Variants in CD99 observed in about 807,000 individuals in gnomAD.
The protein encoded by CD99 is CD99 molecule (Xg blood group), also known as CD99 antigen.
Under a neutral mutation model 28.4 loss-of-function variants are expected in CD99, and 19 were observed. That is an observed-to-expected ratio of 0.67 (90% CI 0.47 to 0.98). The LOEUF is 0.98. Among genes scored for constraint, CD99 ranks in the 50% least tolerant of loss-of-function variants. CD99 has a pLI of 0.00. For synonymous variants in CD99, 103 were observed against 92.1 expected (o/e 1.12, Z -0.67); for missense variants, 283 against 248.8 (o/e 1.14, Z -0.92).
chrX:2,695,103 T>C (rs1332283017), intron 1 of CD99, among the ~76,000 whole-genome samples: 1 of 152,214 alleles, frequency 6.6e-6, no homozygotes, highest in African/African-American at 2.4e-5. Flanking sequence ...CTGAAAATGT[T>C]CTGAGCACTC....
intron 1 of CD99, among the ~76,000 whole-genome samples, chrX:2,700,322 C>G (rs1214377935): frequency 6.6e-6 from 1 of 152,180 alleles, no homozygotes; most frequent in Non-Finnish European, 1.5e-5. Context: ...CTCAGGGTCT[C>G]CGTGTTCTAG....
chrX:2,733,831 A>C (rs760718728), intron 8 of CD99, among the ~76,000 whole-genome samples: 2 of 152,312 alleles, frequency 1.3e-5, no homozygotes, highest in South Asian at 4.1e-4. Context: ...TGGATTTTTA[A>C]ATCTTCAACG....
intron 1 of CD99, among the ~76,000 whole-genome samples, chrX:2,699,311 A>G (rs2047730454): frequency 6.6e-6 from 1 of 151,682 alleles, no homozygotes; most frequent in African/African-American, 2.4e-5. Context: ...CTGGAACTAC[A>G]GGCACGCACC....
In CD99 at chrX:2,732,993, C is replaced by T. The variant is rs2049746237; in HGVS notation, c.476-5207C>T. 3.4e-5 allele frequency among the ~76,000 whole-genome samples: 5 copies of T among 147,690 alleles called. No individual in the cohort carries two copies. In the Admixed American group the frequency reaches 3.4e-4, roughly 10 times the overall value. On this transcript the variant is annotated intron_variant, in intron 8 of 9. Transcript: ENST00000381192. The stretch of plus-strand genomic sequence containing the variant: ...TTCCTTCCTCCCTGCTTCACTTCTT[C>T]CTCCCTCCCTTCCTCCATACCTCCC...
intron 8 of CD99, 124 bp from the exon 9 acceptor site, chrX:2,738,076 T>A (rs749412715): frequency 1.2e-6 from 1 of 857,264 alleles, no homozygotes; most frequent in South Asian, 1.3e-5. Context: ...GGTTCAGAAC[T>A]GAGTGCTCTC....
In CD99 at chrX:2,707,310, A is replaced by G. The variant is rs186120062; in HGVS notation, c.68-7112A>G. Among the ~76,000 whole-genome samples the G allele has an allele frequency of 5.0e-3, 744 of 148,902 alleles. 7 individuals are homozygous for G. Among genetic ancestry groups the G allele is most frequent in the Admixed American group, 9.1e-3 (133 of 14,676 alleles). On this transcript the variant is annotated intron_variant, in intron 1 of 9. Coordinates refer to ENST00000381192, the MANE Select transcript of CD99 (RefSeq NM_002414.5). ...ATGCTACTGTACTCTAGCCTGGGCAACAGAGCAAAACTCTGCCTCAAAAGA... is the reference window on the plus strand; with the variant it reads ...ATGCTACTGTACTCTAGCCTGGGCAGCAGAGCAAAACTCTGCCTCAAAAGA...
chrX:2,697,451 C>T (rs1161207576), intron 1 of CD99, among the ~76,000 whole-genome samples: 1 of 152,128 alleles, frequency 6.6e-6, no homozygotes, highest in South Asian at 2.1e-4. Flanking sequence ...GTTCTGCAGG[C>T]ATTACTCATC....
At chrX:2,696,873 G>A (rs1040429777) in intron 1 of CD99, among the ~76,000 whole-genome samples, 2 of 151,980 alleles carry the variant, frequency 1.3e-5, no homozygotes, top group African/African-American at 4.8e-5. Flanking sequence ...TGTGTTTTTC[G>A]GCTTTGTTTT....
intron 1 of CD99, among the ~76,000 whole-genome samples, chrX:2,702,194 G>C (rs1341674564): frequency 6.6e-6 from 1 of 152,104 alleles, no homozygotes; most frequent in Non-Finnish European, 1.5e-5. Context: ...CCTGGAGAAG[G>C]TGACATTCTC....
intron 5 of CD99, 181 bp from the exon 6 acceptor site, chrX:2,722,446 G>A (rs2049039544): frequency 6.4e-6 from 1 of 155,980 alleles, no homozygotes; most frequent in South Asian, 2.0e-4. Context: ...TCAGCCTCCC[G>A]AGTAGCTGGG....
intron 8 of CD99, among the ~76,000 whole-genome samples, chrX:2,732,537 C>T (rs1427303087): frequency 6.9e-6 from 1 of 144,702 alleles, no homozygotes; most frequent in Admixed American, 6.9e-5. Flanking sequence ...CTGCTTTTCT[C>T]TTTCTTCCTT....
At chrX:2,712,208 AC>A (rs1176913626) in intron 1 of CD99, among the ~76,000 whole-genome samples, 27 of 152,188 alleles carry the variant, frequency 1.8e-4, no homozygotes, top group African/African-American at 6.0e-4. Flanking sequence ...AATGGCGGTG[AC>A]CAAGGGGTTG....
In CD99 at chrX:2,700,441, C is replaced by G. The variant is rs1038728386; in HGVS notation, c.67+9014C>G. The stretch of plus-strand genomic sequence containing the variant: ...CCATCCATCAACCCATCCTCCCATT[C>G]ATTTACCCATCCATCCGTTCGTCCA... On this transcript the variant is annotated intron_variant, in intron 1 of 9. Coordinates refer to ENST00000381192, the MANE Select transcript of CD99 (RefSeq NM_002414.5). Among the ~76,000 whole-genome samples the G allele has an allele frequency of 4.6e-5, 7 of 152,030 alleles. No individual in the cohort carries two copies. The East Asian group carries it at 1.4e-3, about 29-fold the overall frequency.
intron 8 of CD99, among the ~76,000 whole-genome samples, chrX:2,730,624 A>G (rs1378501895): frequency 1.3e-5 from 2 of 152,134 alleles, no homozygotes; most frequent in South Asian, 2.1e-4. Flanking sequence ...AGAAGGTCCA[A>G]CTTTCAATTC....
intron 1 of CD99, chrX:2,691,911 G>T (rs777000709): frequency 1.3e-6 from 1 of 779,156 alleles, no homozygotes; most frequent in Non-Finnish European, 2.4e-6. Flanking sequence ...GGGTGGTGGG[G>T]GGAAGGGAAG....
intron 5 of CD99, 72 bp downstream of exon 5, chrX:2,720,496 G>A: frequency 6.9e-7 from 1 of 1,444,640 alleles, no homozygotes; most frequent in Non-Finnish European, 9.8e-7. Context: ...CAGCTGAGAG[G>A]AGGTGATTTC....
chrX:2,715,931 C>G (rs1413716756), intron 2 of CD99, among the ~76,000 whole-genome samples: 1 of 152,154 alleles, frequency 6.6e-6, no homozygotes, highest in Non-Finnish European at 1.5e-5. Flanking sequence ...TGCAAAGACC[C>G]TGTTTCCAAG....
intron 8 of CD99, among the ~76,000 whole-genome samples, chrX:2,727,102 A>C (rs1194466665): frequency 6.6e-6 from 1 of 152,168 alleles, no homozygotes; most frequent in Admixed American, 6.5e-5. Flanking sequence ...ATGTGACTGC[A>C]CTCCAGCCTG....
At chrX:2,712,786 CACAG>C (rs1278243835) in intron 1 of CD99, among the ~76,000 whole-genome samples, 59 of 152,078 alleles carry the variant, frequency 3.9e-4, no homozygotes, top group Non-Finnish European at 2.1e-4. Context: ...TACACACACA[CACAG>C]ACATACAAGC....
Sources: allele counts gnomAD v4.1 joint callset (sites outside exome capture counted in the v4.1 genomes callset), GRCh38; gene constraint gnomAD v4.1.1; transcripts MANE v1.5; gene names NCBI Gene and HGNC (gene_info 2026-07-23, HGNC 2026-07-21).